The following ASCC3 variants were observed in gnomAD, a reference collection of about 807,000 sequenced individuals.
ASCC3 encodes the protein ASC-1 complex subunit P200.
ASCC3 carries 158 observed loss-of-function variants against 256.3 expected under a neutral mutation model. That is an observed-to-expected ratio of 0.62 (90% CI 0.54 to 0.70). The LOEUF is 0.70. Among genes scored for constraint, ASCC3 ranks in the 30% least tolerant of loss-of-function variants. ASCC3 has a pLI of 0.00. For missense variants in ASCC3, 2,259 were observed against 2,626.0 expected (o/e 0.86, Z 3.05); for synonymous variants, 948 against 883.4 (o/e 1.07, Z -1.30).
chr6:100,661,671 G>T, intron 16 of ASCC3, 135 bp downstream of exon 16: 1 of 841,404 alleles, frequency 1.2e-6, no homozygotes, highest in South Asian at 1.4e-5. Context: ...CATTCACCCT[G>T]TTTTGTCTTA....
intron 37 of ASCC3, chr6:100,531,118 TC>T: frequency 9.8e-7 from 1 of 1,023,060 alleles, no homozygotes. Context: ...TTGCACAATT[TC>T]TGCTGGCTGG....
chr6:100,728,388 A>C (rs2115044594), intron 10 of ASCC3, among the ~76,000 whole-genome samples: 1 of 152,142 alleles, frequency 6.6e-6, no homozygotes, highest in Non-Finnish European at 1.5e-5. Context: ...TCCTAAAGTA[A>C]CGGTGGAATA....
chr6:100,607,297 A>G (rs1772948001), intron 30 of ASCC3, among the ~76,000 whole-genome samples: 1 of 152,086 alleles, frequency 6.6e-6, no homozygotes, highest in Non-Finnish European at 1.5e-5. Flanking sequence ...TAAAGTTTAA[A>G]TGTTATCCAT....
chr6:100,607,858 G>T (rs961705307), intron 30 of ASCC3, among the ~76,000 whole-genome samples: 1 of 149,882 alleles, frequency 6.7e-6, no homozygotes, highest in Non-Finnish European at 1.5e-5. Context: ...TCTTATCTTC[G>T]ATCAATAGTA....
At chr6:100,802,003 G>C (rs1336745842) in intron 5 of ASCC3, among the ~76,000 whole-genome samples, 3 of 149,220 alleles carry the variant, frequency 2.0e-5, no homozygotes, top group Admixed American at 1.4e-4. Flanking sequence ...AAGCAAATGT[G>C]ACAGTAATAA....
chr6:100,575,619 G>A (rs1276035745), intron 36 of ASCC3, among the ~76,000 whole-genome samples: 1 of 151,940 alleles, frequency 6.6e-6, no homozygotes, highest in Non-Finnish European at 1.5e-5. Context: ...ATCCAAGCTT[G>A]TGTGAAAATA....
At chr6:100,754,596 C>T (rs1416586257) in intron 10 of ASCC3, among the ~76,000 whole-genome samples, 1 of 152,120 alleles carries the variant, frequency 6.6e-6, no homozygotes, top group Non-Finnish European at 1.5e-5. Context: ...CTCCCCATAC[C>T]CACCCTACTA....
At chr6:100,830,058 G>A (rs1034474775) in intron 4 of ASCC3, among the ~76,000 whole-genome samples, 3 of 151,920 alleles carry the variant, frequency 2.0e-5, no homozygotes, top group Non-Finnish European at 2.9e-5. Flanking sequence ...ACCCACAACG[G>A]CATGTAATTT....
intron 3 of ASCC3, chr6:100,856,402 TAAATAAATACACAAGC>T (rs1429412541): frequency 1.1e-5 from 11 of 984,042 alleles, no homozygotes; most frequent in African/African-American, 1.7e-5. Flanking sequence ...AACCTTAAGC[TAAATAAATACACAAGC>T]ATGTGTTACT....
chr6:100,564,047 A>G (rs1384333090), intron 36 of ASCC3, among the ~76,000 whole-genome samples: 3 of 151,812 alleles, frequency 2.0e-5, no homozygotes, highest in African/African-American at 7.3e-5. Context: ...TCTTTTTTTA[A>G]TATTAAAAAA....
intron 3 of ASCC3, among the ~76,000 whole-genome samples, chr6:100,849,339 A>G (rs1582958613): frequency 6.6e-6 from 1 of 151,946 alleles, no homozygotes; most frequent in South Asian, 2.1e-4. Context: ...TTAAAGATTG[A>G]TTTGATGAGC....
chr6:100,568,774 A>T (rs1451307683), intron 36 of ASCC3, among the ~76,000 whole-genome samples: 5 of 140,082 alleles, frequency 3.6e-5, no homozygotes, highest in African/African-American at 1.5e-4. Context: ...TATTATTATT[A>T]TTATTATTAT....
chr6:100,856,485 T>C (rs1772947588), intron 3 of ASCC3: 1 of 876,596 alleles, frequency 1.1e-6, no homozygotes, highest in Non-Finnish European at 1.4e-6. Flanking sequence ...ATAGTAATTC[T>C]TTTTATTGAA....
chr6:100,552,159 T>C (rs1441074131), intron 36 of ASCC3, among the ~76,000 whole-genome samples: 3 of 151,524 alleles, frequency 2.0e-5, no homozygotes, highest in Non-Finnish European at 4.4e-5. Flanking sequence ...AAAATAATAG[T>C]AATAATAATG....
intron 5 of ASCC3, among the ~76,000 whole-genome samples, chr6:100,802,181 A>C (rs1194071644): frequency 1.3e-5 from 2 of 151,962 alleles, no homozygotes; most frequent in African/African-American, 2.4e-5. Context: ...TGAATGTTTA[A>C]ATGTATGGTT....
chr6:100,604,758 T>C (rs1360509823), intron 33 of ASCC3, among the ~76,000 whole-genome samples: 1 of 152,036 alleles, frequency 6.6e-6, no homozygotes, highest in South Asian at 2.1e-4. Context: ...TTTAAGTTTT[T>C]AAAATCAACA....
intron 39 of ASCC3, among the ~76,000 whole-genome samples, chr6:100,515,870 A>G (rs1773998833): frequency 6.6e-6 from 1 of 152,146 alleles, no homozygotes; most frequent in Non-Finnish European, 1.5e-5. Flanking sequence ...ATTTATACTG[A>G]AACAACTTCT....
At chr6:100,608,099 C>G (rs1225491915) in intron 30 of ASCC3, among the ~76,000 whole-genome samples, 1 of 118,402 alleles carries the variant, frequency 8.4e-6, no homozygotes, top group African/African-American at 3.4e-5. Context: ...TCTATATACA[C>G]ATATATATGT....
intron 4 of ASCC3, among the ~76,000 whole-genome samples, chr6:100,824,482 T>C (rs572887960): frequency 2.0e-5 from 3 of 152,202 alleles, no homozygotes; most frequent in Non-Finnish European, 4.4e-5. Context: ...GCAGAATATC[T>C]TGATGTGAAT....
Sources: allele counts gnomAD v4.1 joint callset (sites outside exome capture counted in the v4.1 genomes callset), GRCh38; gene constraint gnomAD v4.1.1; transcripts MANE v1.5; gene names NCBI Gene and HGNC (gene_info 2026-07-23, HGNC 2026-07-21).